Variants in ARHGEF10L observed in about 807,000 individuals in gnomAD.
ARHGEF10L encodes rho guanine nucleotide exchange factor 10-like protein.
Under a neutral mutation model 141.2 loss-of-function variants are expected in ARHGEF10L, and 69 were observed. The ratio of observed to expected loss-of-function variants is 0.49; its 90% CI spans 0.40 to 0.60. The LOEUF is 0.60. Among genes scored for constraint, ARHGEF10L ranks in the 20% least tolerant of loss-of-function variants. The pLI, the probability that ARHGEF10L is intolerant of heterozygous loss-of-function variation, is 0.00. For synonymous variants in ARHGEF10L, 711 were observed against 718.5 expected, an observed-to-expected ratio of 0.99 and a Z score of 0.17; for missense variants, 1,482 against 1,734.3, an observed-to-expected ratio of 0.85 and a Z score of 2.58.
At position 17,625,186 on chromosome 1, in the gene ARHGEF10L, G is replaced by A. The variant is rs78018774; in HGVS notation, c.1317+683G>A. 6.5e-3 allele frequency among the ~76,000 whole-genome samples: 983 copies of A among 152,346 alleles called. 7 individuals are homozygous for A. Among genetic ancestry groups the A allele is most frequent in the African/African-American group, 0.022 (895 of 41,564 alleles). On this transcript the variant is annotated intron_variant, in intron 13 of 28. Transcript: ENST00000361221. The surrounding 1 kb of genome is among the most constrained non-coding windows in gnomAD (Gnocchi z 4.5). ...GCCACCATCTGACATGGGCCCTGGC[G>A]GGGGATGGTGGGATTGTGCCAAATA...
At position 17,639,919 on chromosome 1, in the gene ARHGEF10L, C is replaced by T. The variant is rs943901938; in HGVS notation, c.2172-283C>T. On this transcript the variant is annotated intron_variant, in intron 20 of 28. Transcript: ENST00000361221. The surrounding 1 kb of genome is among the most constrained non-coding windows in gnomAD (Gnocchi z 4.3). ...GAGTCACAGCCTGCAGAGGCTCTGC[C>T]GGGCACAAAGCCAGAGGCTCCTGGA... The T allele has an allele frequency of 1.2e-5, 17 of 1,455,804 alleles. No individual in the cohort carries two copies. Among genetic ancestry groups the T allele is most frequent in the Middle Eastern group, 1.8e-4 (1 of 5,592 alleles). 90.2% of individuals were successfully genotyped at this position (1,455,804 alleles called of 1,614,324 possible).
chr1:17,553,960 C>T (rs2077207509), intron 1 of ARHGEF10L, among the ~76,000 whole-genome samples: 1 of 152,102 alleles, frequency 6.6e-6, no homozygotes, highest in Non-Finnish European at 1.5e-5. Flanking sequence ...AGACACAAAA[C>T]GTTTAGCTAA....
At chr1:17,518,664 C>T in the ARHGEF10L span, among the ~76,000 whole-genome samples, 1 of 151,706 alleles carries the variant, frequency 6.6e-6, no homozygotes, top group Non-Finnish European at 1.5e-5. Flanking sequence ...TAGTGGTGCA[C>T]ACCTGTAGTC....
chr1:17,571,160 G>A (rs1347629564), intron 1 of ARHGEF10L, among the ~76,000 whole-genome samples: 4 of 152,152 alleles, frequency 2.6e-5, no homozygotes, highest in Non-Finnish European at 5.9e-5. Flanking sequence ...GAGCCGCGGT[G>A]TAGCCTGAAC....
At position 17,616,198 on chromosome 1, in the gene ARHGEF10L, C is replaced by T; in HGVS notation, c.831C>T (p.Val277=). 6.2e-7 allele frequency: 1 copy of T among 1,613,060 alleles called. No homozygotes were observed. The highest frequency in any genetic ancestry group is 8.5e-7 in the Non-Finnish European group (1 of 1,179,664). ...RKVSFLHRKD[V]LGDSEEEDMG... is the part of the protein sequence containing the mutation. ...TCTCCTTCCTGCACAGGAAGGACGT[C>T]CTCGGTGAGGCGCTGCCCGAGCGGG... The change falls in exon 9 of 29, where the codon GTC becomes GTT. Residue 277 remains valine, a synonymous_variant. Coordinates refer to ENST00000361221, the MANE Select transcript of ARHGEF10L (RefSeq NM_018125.4).
intron 25 of ARHGEF10L, among the ~76,000 whole-genome samples, chr1:17,660,873 C>T (rs892696021): frequency 2.0e-5 from 3 of 151,704 alleles, no homozygotes; most frequent in African/African-American, 7.3e-5. Flanking sequence ...GTGGAAAGGG[C>T]GGGGCTCCCA....
At chr1:17,534,071 C>A in the ARHGEF10L span, among the ~76,000 whole-genome samples, 1 of 151,946 alleles carries the variant, frequency 6.6e-6, no homozygotes, top group Admixed American at 6.6e-5. Context: ...AAGAGATTCT[C>A]CTGCCTCAGC....
At chr1:17,574,280 A>G (rs2078131086) in intron 1 of ARHGEF10L, among the ~76,000 whole-genome samples, 1 of 152,194 alleles carries the variant, frequency 6.6e-6, no homozygotes, top group Non-Finnish European at 1.5e-5. Context: ...ATCAAATGAG[A>G]TGCAAACTAA....
In ARHGEF10L at chr1:17,638,636, C is replaced by A. The variant is rs752222884; in HGVS notation, c.2118C>A (p.Ile706=). 4 of 1,614,140 alleles carry A rather than the reference C, an allele frequency of 2.5e-6. No homozygotes were observed. In the South Asian group the frequency reaches 3.3e-5, roughly 13 times the overall value. Residue 706 remains isoleucine (I), a synonymous_variant, in exon 20 of 29, where the codon ATC becomes ATA. Coordinates refer to ENST00000361221, the MANE Select transcript of ARHGEF10L (RefSeq NM_018125.4). The part of the protein sequence containing the change: ...QRLMRVKEEE[I]HSANKCRLRL... ...TGATGCGGGTGAAGGAGGAAGAGATCCACTCGGCCAACAAGTGCCGTCTCA... is the reference window on the plus strand; with the variant it reads ...TGATGCGGGTGAAGGAGGAAGAGATACACTCGGCCAACAAGTGCCGTCTCA...
At chr1:17,577,391 A>T (rs1420518783) in intron 1 of ARHGEF10L, among the ~76,000 whole-genome samples, 1 of 152,182 alleles carries the variant, frequency 6.6e-6, no homozygotes, top group African/African-American at 2.4e-5. Flanking sequence ...GAGTAAACTG[A>T]GGCCCAGAGA....
At chr1:17,680,739 C>T (rs2102411852) in intron 26 of ARHGEF10L, among the ~76,000 whole-genome samples, 1 of 150,310 alleles carries the variant, frequency 6.7e-6, no homozygotes, top group South Asian at 2.1e-4. Flanking sequence ...CCTCCAACTG[C>T]CAGCTTTTTT....
chr1:17,591,387 C>A (rs34703876), intron 4 of ARHGEF10L, among the ~76,000 whole-genome samples: 28,499 of 148,678 alleles, frequency 0.19, 3,016 homozygotes, highest in East Asian at 0.33. Flanking sequence ...GGACTACAGG[C>A]ATGTGCCATC....
chr1:17,550,285 A>G (rs1419609544), intron 1 of ARHGEF10L, among the ~76,000 whole-genome samples: 1 of 152,198 alleles, frequency 6.6e-6, no homozygotes, highest in Non-Finnish European at 1.5e-5. Context: ...AGTGAGGAGC[A>G]TGGCTTTTGG....
intron 1 of ARHGEF10L, among the ~76,000 whole-genome samples, chr1:17,548,643 A>ATTT (rs2076997457): frequency 7.3e-6 from 1 of 136,796 alleles, no homozygotes; most frequent in African/African-American, 2.9e-5. Flanking sequence ...GCTCAAAATA[A>ATTT]TTCTTTTTTT....
chr1:17,663,754 C>A (rs1398262367), intron 25 of ARHGEF10L, among the ~76,000 whole-genome samples: 1 of 152,126 alleles, frequency 6.6e-6, no homozygotes, highest in Non-Finnish European at 1.5e-5. Flanking sequence ...GCTCCCCACC[C>A]CATTTTACAG....
chr1:17,622,953 G>C, intron 11 of ARHGEF10L, 43 bp from the exon 12 acceptor site: 1 of 1,578,734 alleles, frequency 6.3e-7, no homozygotes, highest in Non-Finnish European at 8.6e-7. Context: ...TAGGGAGAGA[G>C]GCTGCGGCCT....
chr1:17,654,748 G>T lies in ARHGEF10L; in HGVS notation c.2481+26G>T, dbSNP rs2062127635. 6 of 1,605,438 alleles carry T rather than the reference G, an allele frequency of 3.7e-6. No homozygotes were observed. In the South Asian group the frequency reaches 6.6e-5, roughly 18 times the overall value. ...GTGAGTCACCCCCCTGCCCAGCTGG[G>T]CATTCTGGCCTCAGGACAGGAGTAG... is the stretch of plus-strand genomic sequence containing the variant. On this transcript the variant is annotated intron_variant, in intron 23 of 28. Transcript: ENST00000361221. This position sits in a 1 kb window ranked among gnomAD's most constrained non-coding sequence, Gnocchi z 4.3.
Position 17,697,080 on chromosome 1 carries a change from C to A in ARHGEF10L, c.3540C>A (p.Thr1180=), listed in dbSNP as rs138492452. ...GILLQYRLRS[T]AHLPGPLLSM... Reference sequence around the variant, plus strand: ...TCTTGCAGTACCGCCTGCGCTCCACCGCACACCTCCCGGGCCCGCTGCTCT... The same window carrying A: ...TCTTGCAGTACCGCCTGCGCTCCACAGCACACCTCCCGGGCCCGCTGCTCT... The change falls in exon 29 of 29, where the codon ACC becomes ACA. Residue 1180 remains threonine (T), a synonymous_variant. Transcript: ENST00000361221. This position sits in a 1 kb window ranked among gnomAD's most constrained non-coding sequence, Gnocchi z 4.8. The A allele has an allele frequency of 6.2e-7, 1 of 1,606,598 alleles. No individual in the cohort carries two copies. Among genetic ancestry groups the A allele is most frequent in the Admixed American group, 1.7e-5 (1 of 59,678 alleles).
At position 17,615,921 on chromosome 1, in the gene ARHGEF10L, T is replaced by C; in HGVS notation, c.727-173T>C. ...CCCTAAAGAGGGAGATCCCCGGGCA[T>C]GAACGCACCTTCTCACCCCCACTGT... On this transcript the variant is annotated intron_variant, in intron 8 of 28. Coordinates refer to ENST00000361221, the MANE Select transcript of ARHGEF10L (RefSeq NM_018125.4). The surrounding 1 kb of genome is among the most constrained non-coding windows in gnomAD (Gnocchi z 4.7). 3.3e-6 allele frequency: 2 copies of C among 609,576 alleles called. No homozygotes were observed. Among genetic ancestry groups the C allele is most frequent in the Non-Finnish European group, 6.0e-6 (2 of 332,664 alleles). The allele number at this position is 609,576 out of a possible 1,614,324, so 37.8% of individuals were successfully genotyped here. A position where few individuals can be genotyped will look rare whatever the true frequency, so the allele number is the denominator to read the frequency against.
Sources: gnomAD v4.1 joint callset for allele counts (sites outside exome capture counted in the v4.1 genomes callset) on GRCh38, gnomAD v4.1.1 for gene constraint, Gnocchi (gnomAD v3.1) non-coding constraint, MANE v1.5 for transcripts, NCBI Gene and HGNC (gene_info 2026-07-23, HGNC 2026-07-21) for gene names.